Variants in MALRD1 observed in about 807,000 individuals in gnomAD.
The protein encoded by MALRD1 is MAM and LDL receptor class A domain containing 1, also known as MAM and LDL-receptor class A domain-containing protein 1.
A neutral mutation model predicts 242.1 loss-of-function variants in MALRD1; 247 were observed. That is an observed-to-expected ratio of 1.02 (90% CI 0.92 to 1.13). MALRD1 has a LOEUF of 1.13. Among genes scored for constraint, MALRD1 ranks in the 50% most tolerant of loss-of-function variants. The probability of loss-of-function intolerance (pLI) is 0.00; values close to 1 mark genes in which losing one functional copy is unlikely to be tolerated. For missense variants in MALRD1, 2,989 were observed against 2,533.1 expected, an observed-to-expected ratio of 1.18 and a Z score of -3.86; for synonymous variants, 995 against 866.6, an observed-to-expected ratio of 1.15 and a Z score of -2.60.
Position 19,526,697 on chromosome 10 carries a change from G to A in MALRD1, c.5321-4497G>A, listed in dbSNP as rs1480625904. Among the ~76,000 whole-genome samples, 5 of 152,212 alleles carry A rather than the reference G, an allele frequency of 3.3e-5. No individual in the cohort carries two copies. The East Asian group carries it at 9.7e-4, about 29-fold the overall frequency. On this transcript the variant is annotated intron_variant, in intron 31 of 39. Transcript: ENST00000454679. The stretch of plus-strand genomic sequence containing the variant: ...CCTTAATTAATAATTGGAATGGTTA[G>A]CTTTGATATTGGGCCTTACATGACA...
intron 21 of MALRD1, among the ~76,000 whole-genome samples, chr10:19,292,152 AG>A (rs545973279): frequency 6.6e-6 from 1 of 150,730 alleles, no homozygotes; most frequent in Admixed American, 6.6e-5. Context: ...AATAGTTTTG[AG>A]GGAAAACTCT....
chr10:19,441,731 G>A (rs1012585522), intron 28 of MALRD1, among the ~76,000 whole-genome samples: 8 of 152,272 alleles, frequency 5.3e-5, no homozygotes, highest in Admixed American at 2.6e-4. Context: ...TTGGGTTACT[G>A]TAGCCTTGTA....
chr10:19,582,305 T>G (rs1411853295), intron 33 of MALRD1, among the ~76,000 whole-genome samples: 1 of 151,508 alleles, frequency 6.6e-6, no homozygotes, highest in Admixed American at 6.6e-5. Flanking sequence ...CCCATGCCTA[T>G]GTCCTGAATG....
chr10:19,644,161 A>T (rs545963683), intron 36 of MALRD1, among the ~76,000 whole-genome samples: 3 of 152,132 alleles, frequency 2.0e-5, no homozygotes, highest in Non-Finnish European at 2.9e-5. Context: ...CAACTTGACT[A>T]TGTCCTCTGT....
intron 21 of MALRD1, among the ~76,000 whole-genome samples, chr10:19,306,852 G>A (rs915679078): frequency 1.1e-4 from 16 of 151,350 alleles, no homozygotes; most frequent in South Asian, 2.1e-4. Flanking sequence ...ACTGGATCTC[G>A]TGAGATCTCA....
intron 22 of MALRD1, among the ~76,000 whole-genome samples, chr10:19,324,498 T>C (rs185706052): frequency 1.3e-5 from 2 of 152,234 alleles, no homozygotes; most frequent in African/African-American, 4.8e-5. Flanking sequence ...AATAGTCTTT[T>C]TCAAAATGTT....
Position 19,365,674 on chromosome 10 carries a change from A to C in MALRD1, c.4441+13377A>C, listed in dbSNP as rs111531063. ...TTATAAATTCTAAAAAAAAAAAAAA[A>C]AAAAAAAAAAAAAACAAGCTACTAT... On this transcript the variant is annotated intron_variant, in intron 26 of 39. Coordinates refer to ENST00000454679, the MANE Select transcript of MALRD1 (RefSeq NM_001142308.3). Among the ~76,000 whole-genome samples, 21 of 26,050 alleles carry C rather than the reference A, an allele frequency of 8.1e-4. No individual in the cohort carries two copies. In the East Asian group the frequency reaches 0.014, roughly 18 times the overall value. 17.1% of individuals were successfully genotyped at this position (26,050 alleles called of 152,430 possible). A position where few individuals can be genotyped will look rare whatever the true frequency, so the allele number is the denominator to read the frequency against.
intron 36 of MALRD1, among the ~76,000 whole-genome samples, chr10:19,622,518 T>G (rs1839450721): frequency 1.3e-5 from 2 of 151,890 alleles, no homozygotes; most frequent in African/African-American, 4.8e-5. Flanking sequence ...AAGGTGTTAC[T>G]TCTCCCTAGA....
At chr10:19,310,906 G>T (rs185870211) in intron 21 of MALRD1, among the ~76,000 whole-genome samples, 1 of 151,310 alleles carries the variant, frequency 6.6e-6, no homozygotes, top group Non-Finnish European at 1.5e-5. Flanking sequence ...CTTAACTCCC[G>T]CATGAGTCTG....
intron 31 of MALRD1, among the ~76,000 whole-genome samples, chr10:19,502,760 C>G (rs943292988): frequency 2.6e-5 from 4 of 152,102 alleles, no homozygotes; most frequent in African/African-American, 9.7e-5. Context: ...TATTTGAAAA[C>G]TACAGAGCAT....
intron 28 of MALRD1, among the ~76,000 whole-genome samples, chr10:19,449,710 A>G (rs139757063): frequency 1.3e-3 from 194 of 152,284 alleles, no homozygotes; most frequent in African/African-American, 4.5e-3. Flanking sequence ...TTTATAAAAG[A>G]GAAATGTAAA....
At chr10:19,376,399 C>G (rs10763971) in intron 26 of MALRD1, among the ~76,000 whole-genome samples, 86,287 of 151,814 alleles carry the variant, frequency 0.57, 24,708 homozygotes, top group Middle Eastern at 0.61. Context: ...ATGCTGTTAA[C>G]GTGGGACAGA....
rs570765017 is a variant in MALRD1, at chr10:19,161,984, C to A, written c.1657-3653C>A. Among the ~76,000 whole-genome samples the A allele has an allele frequency of 2.1e-3, 325 of 152,194 alleles. 2 individuals carry two copies. The highest frequency in any genetic ancestry group is 7.4e-3 in the African/African-American group (307 of 41,536). Reference sequence around the variant, plus strand: ...TGGAGGCTGCAGTGAGCCGTGATCACGCCACTGCACTCCAGCCTGGGCAAC... The same window carrying A: ...TGGAGGCTGCAGTGAGCCGTGATCAAGCCACTGCACTCCAGCCTGGGCAAC... On this transcript the variant is annotated intron_variant, in intron 12 of 39. Transcript: ENST00000454679.
At chr10:19,359,193 T>C (rs1844779759) in intron 26 of MALRD1, among the ~76,000 whole-genome samples, 3 of 152,182 alleles carry the variant, frequency 2.0e-5, no homozygotes, top group South Asian at 4.1e-4. Flanking sequence ...TTTAAAAATA[T>C]TGGCATATTC....
chr10:19,530,773 C>T (rs1834378549), intron 31 of MALRD1, among the ~76,000 whole-genome samples: 1 of 152,022 alleles, frequency 6.6e-6, no homozygotes, highest in Non-Finnish European at 1.5e-5. Context: ...TATAGCCATT[C>T]ACTACTACCC....
chr10:19,055,069 C>T (rs1834621981), intron 1 of MALRD1, among the ~76,000 whole-genome samples: 1 of 152,086 alleles, frequency 6.6e-6, no homozygotes. Context: ...TGTTGTCTTT[C>T]ATCTATTTTT....
chr10:19,423,837 A>G (rs1213310273), intron 28 of MALRD1, among the ~76,000 whole-genome samples: 5 of 152,192 alleles, frequency 3.3e-5, no homozygotes, highest in African/African-American at 7.2e-5. Flanking sequence ...GCTGATTTCA[A>G]TCTGCATACG....
intron 2 of MALRD1, among the ~76,000 whole-genome samples, chr10:19,068,591 CTT>C (rs1835050410): frequency 6.6e-6 from 1 of 152,058 alleles, no homozygotes; most frequent in African/African-American, 2.4e-5. Context: ...AGGCTGGTAA[CTT>C]TGGTAATAGT....
At position 19,352,244 on chromosome 10, in the gene MALRD1, G is replaced by A; in HGVS notation, c.4388G>A (p.Cys1463Tyr). 1.3e-6 allele frequency: 2 copies of A among 1,550,312 alleles called. No homozygotes were observed. The highest frequency in any genetic ancestry group is 8.7e-7 in the Non-Finnish European group (1 of 1,146,874). ...GATGACATTGTGCTTACAGAAAATT[G>A]TCTATCACTCCATGATTCCGTGCAA... ...ALDDIVLTEN[C>Y]LSLHDSVQEE... Residue 1463 changes from cysteine to tyrosine, a missense_variant, in exon 26 of 40, where the codon TGT becomes TAT. By Grantham distance (194) the Cys-to-Tyr change is radical. Coordinates refer to ENST00000454679, the MANE Select transcript of MALRD1 (RefSeq NM_001142308.3).
Sources: gnomAD v4.1 joint callset for allele counts (sites outside exome capture counted in the v4.1 genomes callset) on GRCh38, gnomAD v4.1.1 for gene constraint, MANE v1.5 for transcripts, NCBI Gene and HGNC (gene_info 2026-07-23, HGNC 2026-07-21) for gene names.